C8orf34: variants seen among roughly 807,000 people sequenced by gnomAD.
The protein encoded by C8orf34 is chromosome 8 open reading frame 34, also known as uncharacterized protein C8orf34.
Under a neutral mutation model 68.3 loss-of-function variants are expected in C8orf34, and 65 were observed. The observed-to-expected ratio is 0.95, with a 90% CI of 0.78 to 1.17. C8orf34 has a LOEUF of 1.17. C8orf34 is among the 50% of genes most tolerant of loss of function. C8orf34 has a pLI of 0.00. For missense variants in C8orf34, 664 were observed against 655.4 expected (o/e 1.01, Z -0.14); for synonymous variants, 244 against 241.2 (o/e 1.01, Z -0.11).
chr8:68,367,931 A>AAAAAAAAAAAAAAAAAAG (rs1807377491), intron 1 of C8orf34, among the ~76,000 whole-genome samples: 1 of 145,620 alleles, frequency 6.9e-6, no homozygotes, highest in Non-Finnish European at 1.5e-5. Context: ...AAAAAAAAAA[A>AAAAAAAAAAAAAAAAAAG]AAAAAAGAAA....
intron 1 of C8orf34, among the ~76,000 whole-genome samples, chr8:68,400,108 T>C (rs1808883596): frequency 6.6e-6 from 1 of 152,168 alleles, no homozygotes; most frequent in South Asian, 2.1e-4. Flanking sequence ...TTCTCCCATT[T>C]GGCAAGCTGT....
rs930449694 is a variant in C8orf34, at chr8:68,744,138, C to T, written c.1404+22701C>T. On this transcript the variant is annotated intron_variant, in intron 10 of 13. Transcript: ENST00000518698. Reference sequence around the variant, plus strand: ...AGCAGGGGCAGACTGACACCTCACACGGCTGGGTACTCCAACAGACCTTCA... The same window carrying T: ...AGCAGGGGCAGACTGACACCTCACATGGCTGGGTACTCCAACAGACCTTCA... 7.2e-4 allele frequency among the ~76,000 whole-genome samples: 109 copies of T among 152,296 alleles called. 2 individuals carry two copies. The highest frequency in any genetic ancestry group is 4.1e-4 in the South Asian group (2 of 4,826).
chr8:68,574,766 CTTTA>C (rs1380575699), intron 7 of C8orf34, among the ~76,000 whole-genome samples: 1 of 151,874 alleles, frequency 6.6e-6, no homozygotes, highest in Non-Finnish European at 1.5e-5. Flanking sequence ...GATTTTATAG[CTTTA>C]TTTGTCAAAA....
At chr8:68,773,470 G>A (rs772115310) in intron 10 of C8orf34, among the ~76,000 whole-genome samples, 8 of 151,840 alleles carry the variant, frequency 5.3e-5, no homozygotes, top group East Asian at 3.9e-4. Flanking sequence ...GCATGATCTC[G>A]GCTCACTGCA....
In C8orf34 at chr8:68,698,368, C is replaced by T. The variant is rs147634606; in HGVS notation, c.1242-10626C>T. 4.5e-4 allele frequency among the ~76,000 whole-genome samples: 69 copies of T among 151,964 alleles called. No homozygotes were observed. The East Asian group carries it at 0.012, about 27-fold the overall frequency. Reference sequence around the variant, plus strand: ...AAAAAGCAAAGAAGGGAACTTAAACCGTCTTACCAAGGCAGCAAAACCTAC... The same window carrying T: ...AAAAAGCAAAGAAGGGAACTTAAACTGTCTTACCAAGGCAGCAAAACCTAC... On this transcript the variant is annotated intron_variant, in intron 8 of 13. Coordinates refer to ENST00000518698, the MANE Select transcript of C8orf34 (RefSeq NM_052958.4).
intron 7 of C8orf34, among the ~76,000 whole-genome samples, chr8:68,551,625 A>G (rs985221156): frequency 6.6e-6 from 1 of 151,974 alleles, no homozygotes; most frequent in Non-Finnish European, 1.5e-5. Context: ...GGCAGACATG[A>G]TGGACTGGTT....
chr8:68,685,869 C>A (rs560578748), intron 8 of C8orf34, among the ~76,000 whole-genome samples: 31 of 134,678 alleles, frequency 2.3e-4, no homozygotes, highest in African/African-American at 7.8e-4. Flanking sequence ...AGAGTGAGAC[C>A]CTATCTCAGT....
intron 1 of C8orf34, among the ~76,000 whole-genome samples, chr8:68,426,518 CA>C (rs753578060): frequency 0.12 from 3,602 of 29,728 alleles, 64 homozygotes; most frequent in African/African-American, 0.21. Flanking sequence ...GACCTTGTCT[CA>C]AAAAAAAAAA....
At chr8:68,532,864 C>T (rs1013814705) in intron 6 of C8orf34, 119 bp from the exon 7 acceptor site, 61 of 662,880 alleles carry the variant, frequency 9.2e-5, no homozygotes, top group Non-Finnish European at 7.0e-5. Flanking sequence ...TTTCCATTAT[C>T]CTTGGGGAAA....
intron 7 of C8orf34, among the ~76,000 whole-genome samples, chr8:68,630,180 A>G (rs1193421582): frequency 6.6e-6 from 1 of 152,110 alleles, no homozygotes; most frequent in Non-Finnish European, 1.5e-5. Flanking sequence ...ATTGAAATAT[A>G]ATTGAAACAA....
intron 8 of C8orf34, among the ~76,000 whole-genome samples, chr8:68,699,937 T>C (rs1820939109): frequency 1.3e-5 from 2 of 152,128 alleles, no homozygotes; most frequent in Non-Finnish European, 2.9e-5. Context: ...GGATGGTTTC[T>C]ATCTCTATGT....
At chr8:68,568,395 AACT>A (rs1816661113) in intron 7 of C8orf34, among the ~76,000 whole-genome samples, 1 of 152,148 alleles carries the variant, frequency 6.6e-6, no homozygotes, top group Non-Finnish European at 1.5e-5. Context: ...AGAGACTTGC[AACT>A]CATCCTTTCA....
At chr8:68,413,033 C>G (rs946643323) in intron 1 of C8orf34, among the ~76,000 whole-genome samples, 1 of 152,134 alleles carries the variant, frequency 6.6e-6, no homozygotes, top group African/African-American at 2.4e-5. Flanking sequence ...ACATTTCTGC[C>G]TTTTTCATTC....
chr8:68,666,634 G>C (rs16919105), intron 8 of C8orf34, among the ~76,000 whole-genome samples: 30,603 of 152,028 alleles, frequency 0.2, 3,540 homozygotes, highest in East Asian at 0.56. Context: ...GAACTGAGTA[G>C]GAAATCATAA....
Position 68,566,984 on chromosome 8 carries a change from T to C in C8orf34, c.1105+33835T>C, listed in dbSNP as rs140865934. Among the ~76,000 whole-genome samples, 385 of 152,350 alleles carry C rather than the reference T, an allele frequency of 2.5e-3. 2 individuals carry two copies. The highest frequency in any genetic ancestry group is 8.7e-3 in the African/African-American group (363 of 41,578). On this transcript the variant is annotated intron_variant, in intron 7 of 13. Coordinates refer to ENST00000518698, the MANE Select transcript of C8orf34 (RefSeq NM_052958.4). ...CCTGCATCCCTGGTATGAAACTCACTTGATCATGGTGAATTATCTTTTTCA... is the reference window on the plus strand; with the variant it reads ...CCTGCATCCCTGGTATGAAACTCACCTGATCATGGTGAATTATCTTTTTCA...
intron 3 of C8orf34, among the ~76,000 whole-genome samples, chr8:68,459,724 A>AC (rs1410609562): frequency 1.3e-5 from 2 of 152,226 alleles, no homozygotes; most frequent in African/African-American, 4.8e-5. Flanking sequence ...CTATTGCAGC[A>AC]CTATTCACAA....
At chr8:68,634,731 A>G (rs914302623) in intron 7 of C8orf34, among the ~76,000 whole-genome samples, 2 of 152,136 alleles carry the variant, frequency 1.3e-5, no homozygotes, top group African/African-American at 4.8e-5. Flanking sequence ...CACCTTTTAG[A>G]GCTTGGTAAG....
intron 8 of C8orf34, among the ~76,000 whole-genome samples, chr8:68,650,730 C>T (rs370494260): frequency 2.0e-5 from 3 of 152,046 alleles, no homozygotes; most frequent in Non-Finnish European, 2.9e-5. Flanking sequence ...CCGCCCGCCT[C>T]GGCCTCCCAA....
chr8:68,812,935 T>C (rs1209898587), intron 12 of C8orf34, among the ~76,000 whole-genome samples: 1 of 152,212 alleles, frequency 6.6e-6, no homozygotes, highest in African/African-American at 2.4e-5. Flanking sequence ...TGACATATCA[T>C]ATGTTCAATG....
Sources: allele counts gnomAD v4.1 joint callset (sites outside exome capture counted in the v4.1 genomes callset), GRCh38; gene constraint gnomAD v4.1.1; transcripts MANE v1.5; gene names NCBI Gene and HGNC (gene_info 2026-07-23, HGNC 2026-07-21).